KANK1: variants seen among roughly 807,000 people sequenced by gnomAD.
KANK1 encodes KN motif and ankyrin repeat domains 1, also known as KN motif and ankyrin repeat domain-containing protein 1.
KANK1 carries 109 observed loss-of-function variants against 106.2 expected under a neutral mutation model. The observed-to-expected ratio is 1.03, with a 90% CI of 0.88 to 1.20. The LOEUF (loss-of-function observed/expected upper bound fraction) is 1.20, where lower values mean the gene tolerates loss of function less well. Ranked by LOEUF, KANK1 falls within the 50% of genes most tolerant of loss-of-function variation. The probability of loss-of-function intolerance (pLI) is 0.00; values close to 1 mark genes in which losing one functional copy is unlikely to be tolerated. For missense variants in KANK1, 2,399 were observed against 1,710.7 expected, an observed-to-expected ratio of 1.40 and a Z score of -7.10; for synonymous variants, 873 against 652.2, an observed-to-expected ratio of 1.34 and a Z score of -5.16.
chr9:592,795 G>C (rs762828318), intron 1 of KANK1, among the ~76,000 whole-genome samples: 4 of 151,968 alleles, frequency 2.6e-5, no homozygotes, highest in Middle Eastern at 3.4e-3. Context: ...GTTTATTAGA[G>C]AGTCCTTACT....
intron 3 of KANK1, among the ~76,000 whole-genome samples, chr9:481,274 G>A (rs2058198302): frequency 1.3e-5 from 2 of 149,412 alleles, no homozygotes; most frequent in African/African-American, 5.0e-5. Context: ...GAGACTATCT[G>A]TATTTAAAAA....
chr9:524,234 A>G (rs539592877), intron 1 of KANK1, among the ~76,000 whole-genome samples: 1 of 151,850 alleles, frequency 6.6e-6, no homozygotes, highest in African/African-American at 2.4e-5. Flanking sequence ...TGGTGAAGTA[A>G]TACAACCCTT....
chr9:626,165 C>T (rs1413656028), intron 1 of KANK1, among the ~76,000 whole-genome samples: 1 of 152,112 alleles, frequency 6.6e-6, no homozygotes, highest in Non-Finnish European at 1.5e-5. Flanking sequence ...ATTTTATGTA[C>T]TGTAAAAGCA....
At chr9:706,819 G>C in intron 2 of KANK1, 4 of 985,482 alleles carry the variant, frequency 4.1e-6, no homozygotes, top group Non-Finnish European at 4.8e-6. Context: ...TTGTGCCTCT[G>C]CACCTCCTCA....
At chr9:671,329 A>G (rs1490110397) in intron 1 of KANK1, among the ~76,000 whole-genome samples, 1 of 151,920 alleles carries the variant, frequency 6.6e-6, no homozygotes, top group Non-Finnish European at 1.5e-5. Context: ...AGCCTGCTCT[A>G]GTAATTCTGT....
intron 3 of KANK1, among the ~76,000 whole-genome samples, chr9:726,276 A>T (rs954330618): frequency 6.6e-6 from 1 of 152,164 alleles, no homozygotes; most frequent in Admixed American, 6.6e-5. Flanking sequence ...GTTGTGGGGC[A>T]GGCCGCTGAT....
chr9:478,295 C>CTGACATCATAGA (rs1159582178), intron 3 of KANK1: 1 of 152,992 alleles, frequency 6.5e-6, no homozygotes, highest in Non-Finnish European at 1.5e-5. Flanking sequence ...CGCCAGCCTC[C>CTGACATCATAGA]TGACATCATA....
chr9:712,248 T>A lies in KANK1; in HGVS notation c.1482T>A (p.Ala494=). Residue 494 remains alanine, a synonymous_variant, in exon 3 of 12, where the codon GCT becomes GCA. Coordinates refer to ENST00000382297, the MANE Select transcript of KANK1 (RefSeq NM_015158.5). ...EMTKLKQELQ[A]AGSRKKVDKA... ...CTAAACTGAAACAAGAGCTGCAGGCTGCTGGATCGAGGAAAAAGGTTGACA... is the reference window on the plus strand; with the variant it reads ...CTAAACTGAAACAAGAGCTGCAGGCAGCTGGATCGAGGAAAAAGGTTGACA... 1 of 1,614,194 alleles carries A rather than the reference T, an allele frequency of 6.2e-7. No homozygotes were observed. The highest frequency in any genetic ancestry group is 1.1e-5 in the South Asian group (1 of 91,080).
intron 1 of KANK1, among the ~76,000 whole-genome samples, chr9:615,065 G>T (rs907773339): frequency 1.3e-5 from 2 of 151,130 alleles, no homozygotes; most frequent in South Asian, 4.2e-4. Flanking sequence ...TCAGCCTTCC[G>T]AGTAGCTGGT....
intron 1 of KANK1, among the ~76,000 whole-genome samples, chr9:637,530 C>T (rs1356595818): frequency 6.6e-6 from 1 of 152,140 alleles, no homozygotes; most frequent in African/African-American, 2.4e-5. Context: ...GACTTACCTT[C>T]AGGGATATCT....
chr9:669,808 T>A (rs902277067), intron 1 of KANK1, among the ~76,000 whole-genome samples: 2 of 152,184 alleles, frequency 1.3e-5, no homozygotes, highest in Non-Finnish European at 2.9e-5. Flanking sequence ...TTGAGTAAGC[T>A]TTTTTCTACC....
At chr9:548,199 T>A (rs541859527) in intron 1 of KANK1, among the ~76,000 whole-genome samples, 20 of 152,336 alleles carry the variant, frequency 1.3e-4, no homozygotes, top group Admixed American at 2.6e-4. Flanking sequence ...AGATAATTCT[T>A]AAACCTTAGT....
At chr9:599,746 G>A (rs1254966427) in intron 1 of KANK1, among the ~76,000 whole-genome samples, 1 of 151,884 alleles carries the variant, frequency 6.6e-6, no homozygotes, top group Non-Finnish European at 1.5e-5. Context: ...CTTGCATAAA[G>A]AGAGAATTGA....
intron 1 of KANK1, among the ~76,000 whole-genome samples, chr9:634,544 A>C (rs778887342): frequency 1.4e-4 from 21 of 152,304 alleles, no homozygotes; most frequent in Non-Finnish European, 2.5e-4. Context: ...AAGTATGCTT[A>C]CATGTTAGCA....
rs766969384 is a variant in KANK1, at chr9:712,103, G to C, written c.1337G>C (p.Gly446Ala). Reference protein sequence around the residue: ...CGVSVTEAMLGVMTEADKEIE... With the variant: ...CGVSVTEAMLAVMTEADKEIE... ...GTCAGCGTGACAGAGGCCATGCTTGGAGTGATGACTGAAGCTGACAAAGAA... is the reference window on the plus strand; with the variant it reads ...GTCAGCGTGACAGAGGCCATGCTTGCAGTGATGACTGAAGCTGACAAAGAA... Residue 446 changes from glycine (G) to alanine (A), a missense_variant, in exon 3 of 12, where the codon GGA becomes GCA. Transcript: ENST00000382297. The C allele has an allele frequency of 6.2e-7, 1 of 1,614,154 alleles. No individual in the cohort carries two copies. Among genetic ancestry groups the C allele is most frequent in the Non-Finnish European group, 8.5e-7 (1 of 1,180,032 alleles).
intron 1 of KANK1, among the ~76,000 whole-genome samples, chr9:548,014 A>T (rs1305645123): frequency 6.6e-6 from 1 of 152,174 alleles, no homozygotes; most frequent in African/African-American, 2.4e-5. Flanking sequence ...TGTCTATACC[A>T]TGAAATCCAT....
intron 3 of KANK1, among the ~76,000 whole-genome samples, chr9:726,687 T>C (rs137910208): frequency 2.2e-4 from 34 of 152,064 alleles, no homozygotes; most frequent in African/African-American, 8.0e-4. Flanking sequence ...AGGCCAGGCG[T>C]GGTGGCTCAT....
intron 1 of KANK1, among the ~76,000 whole-genome samples, chr9:663,165 A>C (rs1260982442): frequency 1.3e-5 from 2 of 152,088 alleles, no homozygotes; most frequent in Non-Finnish European, 2.9e-5. Flanking sequence ...TAAGCAGAAA[A>C]TAAATGAGAA....
chr9:606,343 G>C (rs893190628), intron 1 of KANK1, among the ~76,000 whole-genome samples: 16 of 138,818 alleles, frequency 1.2e-4, no homozygotes, highest in Non-Finnish European at 2.9e-5. Flanking sequence ...AATCACCTGA[G>C]GTCAGGAATT....
Sources: gnomAD v4.1 joint callset for allele counts (sites outside exome capture counted in the v4.1 genomes callset) on GRCh38, gnomAD v4.1.1 for gene constraint, MANE v1.5 for transcripts, NCBI Gene and HGNC (gene_info 2026-07-23, HGNC 2026-07-21) for gene names.